The following SUMF1 variants were observed in gnomAD, a reference collection of about 807,000 sequenced individuals.
SUMF1 encodes formylglycine-generating enzyme.
SUMF1 carries 48 observed loss-of-function variants against 47.6 expected under a neutral mutation model. That is an observed-to-expected ratio of 1.01 (90% CI 0.80 to 1.28). The LOEUF (loss-of-function observed/expected upper bound fraction) is 1.28, where lower values mean the gene tolerates loss of function less well. Ranked by LOEUF, SUMF1 falls within the 50% of genes most tolerant of loss-of-function variation. The pLI, the probability that SUMF1 is intolerant of heterozygous loss-of-function variation, is 0.00. For missense variants in SUMF1, 571 were observed against 485.4 expected (o/e 1.18, Z -1.66); for synonymous variants, 230 against 192.1 (o/e 1.20, Z -1.63).
intron 9 of SUMF1, among the ~76,000 whole-genome samples, chr3:4,043,310 A>G (rs900044835): frequency 6.6e-6 from 1 of 152,066 alleles, no homozygotes; most frequent in African/African-American, 2.4e-5. Flanking sequence ...ACACATCTCT[A>G]AATTGTACCT....
At chr3:4,127,749 A>G (rs188303013) in intron 8 of SUMF1, among the ~76,000 whole-genome samples, 2 of 152,254 alleles carry the variant, frequency 1.3e-5, no homozygotes, top group African/African-American at 4.8e-5. Flanking sequence ...AGACTTTGGT[A>G]CCAGGAGTAT....
chr3:4,440,634 T>C (rs1182871586), intron 3 of SUMF1, among the ~76,000 whole-genome samples: 1 of 152,232 alleles, frequency 6.6e-6, no homozygotes, highest in Non-Finnish European at 1.5e-5. Flanking sequence ...TTGGGCAGGA[T>C]ATGACTGCCT....
intron 8 of SUMF1, among the ~76,000 whole-genome samples, chr3:4,353,147 C>T (rs1020031677): frequency 1.3e-5 from 2 of 152,196 alleles, no homozygotes; most frequent in East Asian, 3.8e-4. Flanking sequence ...CACCTGTATC[C>T]CAGAACTTCA....
chr3:4,129,173 A>G (rs1010029193), intron 8 of SUMF1, among the ~76,000 whole-genome samples: 2 of 152,094 alleles, frequency 1.3e-5, no homozygotes, highest in African/African-American at 2.4e-5. Flanking sequence ...TCTGCATGTC[A>G]TATCTAACGG....
chr3:4,225,040 T>C (rs1400384424), intron 8 of SUMF1, among the ~76,000 whole-genome samples: 3 of 152,126 alleles, frequency 2.0e-5, no homozygotes, highest in African/African-American at 4.8e-5. Context: ...TGTCAAACTT[T>C]AGCTGTGCAC....
chr3:4,139,527 ATGTG>A (rs915972446), intron 8 of SUMF1, among the ~76,000 whole-genome samples: 1 of 150,690 alleles, frequency 6.6e-6, no homozygotes. Flanking sequence ...ATATACATGC[ATGTG>A]TGTGTGTATA....
intron 8 of SUMF1, among the ~76,000 whole-genome samples, chr3:4,137,720 A>G (rs536538338): frequency 5.5e-4 from 83 of 152,260 alleles, no homozygotes; most frequent in African/African-American, 1.9e-3. Flanking sequence ...TTAATGAAAG[A>G]CTGAAGCTTT....
intron 8 of SUMF1, among the ~76,000 whole-genome samples, chr3:4,368,126 T>A (rs1324626078): frequency 6.6e-6 from 1 of 152,034 alleles, no homozygotes; most frequent in Non-Finnish European, 1.5e-5. Context: ...CAATGAAGTC[T>A]AACAAATTTA....
intron 7 of SUMF1, among the ~76,000 whole-genome samples, chr3:4,390,783 A>G (rs967837430): frequency 3.3e-5 from 5 of 152,060 alleles, no homozygotes; most frequent in African/African-American, 1.2e-4. Context: ...AGGTTTTGTC[A>G]TGTTGCCTAG....
chr3:4,316,460 T>C, intron 8 of SUMF1: 1 of 1,604,580 alleles, frequency 6.2e-7, no homozygotes, highest in East Asian at 2.2e-5. Context: ...TCATCGAAGC[T>C]GATCCCCTTA....
At chr3:4,294,738 T>G (rs531480575) in intron 8 of SUMF1, among the ~76,000 whole-genome samples, 1 of 152,242 alleles carries the variant, frequency 6.6e-6, no homozygotes, top group East Asian at 1.9e-4. Flanking sequence ...TTACCATTTT[T>G]TTCACTCCCG....
At chr3:4,142,469 A>G (rs540712287) in intron 8 of SUMF1, among the ~76,000 whole-genome samples, 6 of 152,238 alleles carry the variant, frequency 3.9e-5, no homozygotes, top group Admixed American at 3.3e-4. Context: ...GGGATATCAT[A>G]TATTTTGTAA....
chr3:4,153,802 C>T (rs548900726), intron 8 of SUMF1, among the ~76,000 whole-genome samples: 1 of 151,354 alleles, frequency 6.6e-6, no homozygotes, highest in Non-Finnish European at 1.5e-5. Flanking sequence ...TTATTGTTGC[C>T]TACAATTGCT....
rs540298055 is a variant in SUMF1 at position 4,103,923 on chromosome 3, T to C, written c.1015-35178A>G. Among the ~76,000 whole-genome samples, 110 of 152,274 alleles carry C rather than the reference T, an allele frequency of 7.2e-4. 1 individual carries two copies. Among genetic ancestry groups the C allele is most frequent in the African/African-American group, 2.6e-3 (107 of 41,528 alleles). ...CCTCACACATTTTTCATTTTGATGA[T>C]AACACAGAGTTTACTTGACAGCAAA... is the stretch of plus-strand genomic sequence containing the variant. On this transcript the variant is annotated intron_variant and NMD_transcript_variant, in intron 8 of 12. Coordinates refer to the SUMF1 transcript ENST00000448413.
At chr3:4,113,642 A>G (rs1693359777) in intron 8 of SUMF1, among the ~76,000 whole-genome samples, 1 of 152,114 alleles carries the variant, frequency 6.6e-6, no homozygotes. Context: ...TAGTAATGCT[A>G]AAAGAGGTGG....
chr3:4,314,924 T>C (rs1698575550), intron 8 of SUMF1, among the ~76,000 whole-genome samples: 1 of 152,230 alleles, frequency 6.6e-6, no homozygotes, highest in African/African-American at 2.4e-5. Context: ...TAGGAATCCA[T>C]GTTATATATA....
At chr3:4,153,116 A>G (rs1300750951) in intron 8 of SUMF1, among the ~76,000 whole-genome samples, 1 of 151,696 alleles carries the variant, frequency 6.6e-6, no homozygotes, top group Non-Finnish European at 1.5e-5. Context: ...TAATGGATAC[A>G]TATATCAAAA....
downstream of SUMF1, among the ~76,000 whole-genome samples, chr3:4,357,678 G>A (rs979753148): frequency 6.6e-6 from 1 of 151,286 alleles, no homozygotes; most frequent in Non-Finnish European, 1.5e-5. Flanking sequence ...GCGCGATCTC[G>A]GCTCACTGCA....
intron 7 of SUMF1, among the ~76,000 whole-genome samples, chr3:4,397,000 G>A (rs989331880): frequency 6.6e-6 from 1 of 152,176 alleles, no homozygotes; most frequent in Non-Finnish European, 1.5e-5. Flanking sequence ...CTGCAACAAA[G>A]AAGAAACTTT....
Sources: gnomAD v4.1 joint callset for allele counts (sites outside exome capture counted in the v4.1 genomes callset) on GRCh38, gnomAD v4.1.1 for gene constraint, MANE v1.5 for transcripts, NCBI Gene and HGNC (gene_info 2026-07-23, HGNC 2026-07-21) for gene names.